The following SHOC2 variants were observed in gnomAD, a reference collection of about 807,000 sequenced individuals.
SHOC2 encodes the protein SHOC2 leucine rich repeat scaffold protein.
In SHOC2, 4 loss-of-function variants were observed where a neutral mutation model predicts 50.2. The ratio of observed to expected loss-of-function variants is 0.08; its 90% CI spans 0.04 to 0.18. The LOEUF (loss-of-function observed/expected upper bound fraction) is 0.18. SHOC2 is among the 10% of genes least tolerant of loss of function. SHOC2 has a pLI of 1.00. For missense variants in SHOC2, 388 were observed against 669.6 expected (o/e 0.58, Z 4.64); for synonymous variants, 218 against 244.5 (o/e 0.89, Z 1.01).
intron 1 of SHOC2, among the ~76,000 whole-genome samples, chr10:110,963,275 A>C (rs1847605970): frequency 6.6e-6 from 1 of 152,050 alleles, no homozygotes; most frequent in Non-Finnish European, 1.5e-5. Flanking sequence ...TCGGCCTGTC[A>C]TTTTACCAGC....
chr10:110,970,151 C>G (rs1037616983), intron 2 of SHOC2, among the ~76,000 whole-genome samples: 4 of 152,180 alleles, frequency 2.6e-5, no homozygotes, highest in African/African-American at 9.7e-5. Context: ...TTCCTCCTAT[C>G]TAGCTGTAGT....
intron 1 of SHOC2, among the ~76,000 whole-genome samples, chr10:110,934,326 A>G (rs1846960650): frequency 6.6e-6 from 1 of 152,210 alleles, no homozygotes; most frequent in Admixed American, 6.5e-5. Context: ...AACAACCTAA[A>G]TATCAGTTGA....
At chr10:111,007,922 G>C (rs1354989788) in intron 6 of SHOC2, among the ~76,000 whole-genome samples, 1 of 151,656 alleles carries the variant, frequency 6.6e-6, no homozygotes, top group Non-Finnish European at 1.5e-5. Context: ...TTCTGTAAAA[G>C]CATCTTTTAG....
At chr10:110,950,035 G>A (rs1385201292) in intron 1 of SHOC2, among the ~76,000 whole-genome samples, 3 of 152,222 alleles carry the variant, frequency 2.0e-5, no homozygotes, top group South Asian at 2.1e-4. Context: ...ATAAAGTACT[G>A]TACATCTGAA....
chr10:110,952,167 A>G lies in SHOC2; in HGVS notation c.-234-11958A>G, dbSNP rs376622566. On this transcript the variant is annotated intron_variant, in intron 1 of 8. Coordinates refer to ENST00000369452, the MANE Select transcript of SHOC2 (RefSeq NM_007373.4). ...TCAGCTTTTAATAAAGCAGTAATTTAAGTGATTTTTTCCAGTTAAATTTTT... is the reference window on the plus strand; with the variant it reads ...TCAGCTTTTAATAAAGCAGTAATTTGAGTGATTTTTTCCAGTTAAATTTTT... 3.2e-3 allele frequency among the ~76,000 whole-genome samples: 485 copies of G among 152,092 alleles called. 26 individuals are homozygous for G. The South Asian group carries it at 0.093, about 29-fold the overall frequency.
intron 2 of SHOC2, among the ~76,000 whole-genome samples, chr10:110,969,496 A>G (rs1847737570): frequency 6.6e-6 from 1 of 152,206 alleles, no homozygotes; most frequent in Non-Finnish European, 1.5e-5. Context: ...AGGCAACTCT[A>G]GACAGTGAAG....
intron 4 of SHOC2, among the ~76,000 whole-genome samples, chr10:111,002,106 A>G (rs1456323446): frequency 6.6e-6 from 1 of 152,130 alleles, no homozygotes; most frequent in African/African-American, 2.4e-5. Context: ...ATTGTCAGTG[A>G]AGTGAAACTA....
chr10:110,937,298 G>A (rs1847045705), intron 1 of SHOC2: 1 of 720,052 alleles, frequency 1.4e-6, no homozygotes, highest in Non-Finnish European at 2.5e-6. Flanking sequence ...CTGTGTTTCA[G>A]TGATGCCAAA....
intron 3 of SHOC2, among the ~76,000 whole-genome samples, chr10:110,999,407 T>C (rs1848325241): frequency 2.0e-5 from 3 of 152,172 alleles, no homozygotes; most frequent in Admixed American, 6.5e-5. Context: ...ATTCATTATA[T>C]ATAGTTGGCC....
chr10:110,986,398 T>C (rs1431556218), intron 3 of SHOC2, among the ~76,000 whole-genome samples: 2 of 152,246 alleles, frequency 1.3e-5, no homozygotes, highest in African/African-American at 4.8e-5. Context: ...AAGGATACTA[T>C]AATGTTTATT....
Position 110,941,438 on chromosome 10 carries a change from T to A in SHOC2, c.-235+21781T>A, listed in dbSNP as rs1284785327. On this transcript the variant is annotated intron_variant, in intron 1 of 8. Transcript: ENST00000369452. ...CCTCCGCCTCCCAGACTCAAGTGAT[T>A]CTGGTGCCTCAGCCTCCCGGGTAGC... Among the ~76,000 whole-genome samples, 25 of 152,040 alleles carry A rather than the reference T, an allele frequency of 1.6e-4. 1 individual carries two copies. Among genetic ancestry groups the A allele is most frequent in the Admixed American group, 1.6e-3 (24 of 15,254 alleles).
intron 1 of SHOC2, chr10:110,920,198 CCT>C: frequency 6.6e-6 from 1 of 152,546 alleles, no homozygotes. Flanking sequence ...CTCCCGTTCT[CCT>C]CTCCCTAAAA....
intron 8 of SHOC2, 129 bp from the exon 9 acceptor site, chr10:111,011,481 A>C (rs1465578205): frequency 1.5e-6 from 1 of 682,668 alleles, no homozygotes; most frequent in African/African-American, 1.8e-5. Context: ...TAGAGTTTTA[A>C]AGCTAAGAAA....
At chr10:110,947,431 T>A (rs1232831046) in intron 1 of SHOC2, among the ~76,000 whole-genome samples, 1 of 152,224 alleles carries the variant, frequency 6.6e-6, no homozygotes, top group Admixed American at 6.5e-5. Context: ...CTGTAAAGAC[T>A]GGAGAGGTGA....
intron 1 of SHOC2, among the ~76,000 whole-genome samples, chr10:110,939,701 T>G (rs1271766914): frequency 1.3e-5 from 2 of 152,220 alleles, no homozygotes; most frequent in East Asian, 3.8e-4. Context: ...CCCTCAGTTC[T>G]CTGAATTATT....
chr10:111,011,888 T>C lies in SHOC2; in HGVS notation c.*70T>C. ...TTAATGTTTCTTATCTATATCTGTA[T>C]CTATTTATGTAGATATTGGTATATG... On this transcript the variant is annotated 3_prime_UTR_variant, in exon 9 of 9. Coordinates refer to ENST00000369452, the MANE Select transcript of SHOC2 (RefSeq NM_007373.4). 2 of 1,219,900 alleles carry C rather than the reference T, an allele frequency of 1.6e-6. No individual in the cohort carries two copies. The highest frequency in any genetic ancestry group is 3.0e-5 in the African/African-American group (2 of 67,188). 75.6% of individuals were successfully genotyped at this position (1,219,900 alleles called of 1,614,324 possible).
In SHOC2 at chr10:110,971,809, A is replaced by G. The variant is rs557581124; in HGVS notation, c.703+6748A>G. On this transcript the variant is annotated intron_variant, in intron 2 of 8. Coordinates refer to ENST00000369452, the MANE Select transcript of SHOC2 (RefSeq NM_007373.4). The stretch of plus-strand genomic sequence containing the variant: ...ATTTTAAAAATTACCTATTTGACTC[A>G]TCAACATTTATTGAAAGCAAAATCA... Among the ~76,000 whole-genome samples the G allele has an allele frequency of 2.6e-5, 4 of 152,230 alleles. No individual in the cohort carries two copies. The South Asian group carries it at 8.3e-4, about 32-fold the overall frequency.
At chr10:111,003,147 GT>G (rs2134172201) in intron 4 of SHOC2, among the ~76,000 whole-genome samples, 1 of 152,318 alleles carries the variant, frequency 6.6e-6, no homozygotes, top group South Asian at 2.1e-4. Context: ...TCTCTGTATA[GT>G]TATATCCTCA....
chr10:110,932,156 G>T (rs1393965510), intron 1 of SHOC2, among the ~76,000 whole-genome samples: 1 of 152,178 alleles, frequency 6.6e-6, no homozygotes, highest in Admixed American at 6.5e-5. Context: ...CTTGAGACAG[G>T]AGATAGAAGA....
Sources: gnomAD v4.1 joint callset for allele counts (sites outside exome capture counted in the v4.1 genomes callset) on GRCh38, gnomAD v4.1.1 for gene constraint, MANE v1.5 for transcripts, NCBI Gene and HGNC (gene_info 2026-07-23, HGNC 2026-07-21) for gene names.